The following CDADC1 variants were observed in gnomAD, a reference collection of about 807,000 sequenced individuals.
CDADC1 encodes the protein dCTP deaminase.
A neutral mutation model predicts 54.9 loss-of-function variants in CDADC1; 39 were observed. The ratio of observed to expected loss-of-function variants is 0.71; its 90% CI spans 0.55 to 0.93. The LOEUF is 0.93. Among genes scored for constraint, CDADC1 ranks in the 40% least tolerant of loss-of-function variants. The pLI is 0.00. For missense variants in CDADC1, 518 were observed against 618.8 expected (o/e 0.84, Z 1.73); for synonymous variants, 186 against 204.0 (o/e 0.91, Z 0.75).
At position 49,247,970 on chromosome 13, in the gene CDADC1, GGC is replaced by G; in HGVS notation, c.-65_-64del. The G allele has an allele frequency of 7.1e-7, 1 of 1,409,136 alleles. No individual in the cohort carries two copies. Among genetic ancestry groups the G allele is most frequent in the Non-Finnish European group, 9.8e-7 (1 of 1,018,888 alleles). The allele number at this position is 1,409,136 out of a possible 1,614,324, so 87.3% of individuals were successfully genotyped here. Reference sequence around the variant, plus strand: ...TTGCTGAGAGGAGGCGAGAGGCGGGGGCGCTAGGGCCGAGATCATGTCTGACT... The same window carrying G: ...TTGCTGAGAGGAGGCGAGAGGCGGGGGCTAGGGCCGAGATCATGTCTGACT... On this transcript the variant is annotated 5_prime_UTR_variant, in exon 1 of 10. Transcript: ENST00000251108.
At chr13:49,261,558 T>C (rs1298962482) in intron 4 of CDADC1, among the ~76,000 whole-genome samples, 2 of 152,210 alleles carry the variant, frequency 1.3e-5, no homozygotes, top group East Asian at 3.8e-4. Context: ...GTTATTGAAT[T>C]GGAGCAGGGA....
intron 2 of CDADC1, among the ~76,000 whole-genome samples, chr13:49,250,528 C>T (rs1952403363): frequency 6.6e-6 from 1 of 152,086 alleles, no homozygotes; most frequent in South Asian, 2.1e-4. Context: ...TGGACTTTTG[C>T]CCAAGCCAAG....
In CDADC1 at chr13:49,277,778, T is replaced by C. The variant is rs192519726; in HGVS notation, c.1051-572T>C. On this transcript the variant is annotated intron_variant, in intron 6 of 9. Transcript: ENST00000251108. ...AAGTTCTATAATAATATGCATATAA[T>C]AGAGGCTTAATAAATACTGAAGATG... Among the ~76,000 whole-genome samples, 343 of 152,288 alleles carry C rather than the reference T, an allele frequency of 2.3e-3. 7 individuals carry two copies. The highest frequency in any genetic ancestry group is 0.022 in the Admixed American group (340 of 15,284).
chr13:49,277,299 C>T (rs56373558), intron 6 of CDADC1, among the ~76,000 whole-genome samples: 1,888 of 151,818 alleles, frequency 0.012, 13 homozygotes, highest in Non-Finnish European at 0.02. Context: ...GGTGAGACCC[C>T]GTTGCTACAA....
intron 4 of CDADC1, among the ~76,000 whole-genome samples, chr13:49,262,256 A>C (rs1952703451): frequency 6.6e-6 from 1 of 152,134 alleles, no homozygotes. Flanking sequence ...CAGTCAGGGC[A>C]ATATGGAGAA....
At chr13:49,273,193 A>C (rs1339561544) in intron 5 of CDADC1, among the ~76,000 whole-genome samples, 1 of 152,112 alleles carries the variant, frequency 6.6e-6, no homozygotes, top group African/African-American at 2.4e-5. Flanking sequence ...TGTGGCACAA[A>C]TTTTCTTTGT....
chr13:49,261,079 G>A (rs900525331), intron 4 of CDADC1, among the ~76,000 whole-genome samples: 1 of 152,218 alleles, frequency 6.6e-6, no homozygotes, highest in African/African-American at 2.4e-5. Flanking sequence ...GAATTATAGT[G>A]ATAGTGGAGA....
At chr13:49,284,430 C>A (rs1424063695) in intron 8 of CDADC1, among the ~76,000 whole-genome samples, 1 of 152,110 alleles carries the variant, frequency 6.6e-6, no homozygotes, top group Non-Finnish European at 1.5e-5. Context: ...TTTAACCATT[C>A]CCATGTTGTT....
At chr13:49,286,716 T>C (rs1439676455) in intron 9 of CDADC1, among the ~76,000 whole-genome samples, 1 of 152,216 alleles carries the variant, frequency 6.6e-6, no homozygotes, top group Non-Finnish European at 1.5e-5. Context: ...AATGTTCTGG[T>C]AACTTGAATA....
intron 8 of CDADC1, among the ~76,000 whole-genome samples, chr13:49,283,151 G>A (rs1369398147): frequency 6.7e-6 from 1 of 150,122 alleles, no homozygotes; most frequent in African/African-American, 2.4e-5. Context: ...AGGATACCTG[G>A]AACATACATA....
chr13:49,255,272 C>T (rs549888824), intron 2 of CDADC1, among the ~76,000 whole-genome samples: 81 of 152,274 alleles, frequency 5.3e-4, no homozygotes, highest in African/African-American at 1.9e-3. Context: ...GTGATAACAT[C>T]GGGCCAATCA....
chr13:49,290,336 G>A (rs1388792044), intron 9 of CDADC1, among the ~76,000 whole-genome samples: 2 of 151,804 alleles, frequency 1.3e-5, no homozygotes, highest in Non-Finnish European at 2.9e-5. Context: ...GTAAGTTCAT[G>A]AGTGTTCATT....
At chr13:49,272,315 G>A (rs1242439124) in intron 5 of CDADC1, among the ~76,000 whole-genome samples, 1 of 152,024 alleles carries the variant, frequency 6.6e-6, no homozygotes, top group East Asian at 1.9e-4. Flanking sequence ...ACTTACCTTA[G>A]AAATGAGCAT....
chr13:49,285,601 A>G (rs896239123), intron 8 of CDADC1, among the ~76,000 whole-genome samples: 3 of 152,004 alleles, frequency 2.0e-5, no homozygotes, highest in Non-Finnish European at 4.4e-5. Flanking sequence ...TTCTAATTCT[A>G]TTGCCTCCTG....
intron 2 of CDADC1, among the ~76,000 whole-genome samples, chr13:49,250,414 T>C (rs751783896): frequency 6.6e-6 from 1 of 152,194 alleles, no homozygotes; most frequent in Admixed American, 6.5e-5. Context: ...GAGTACATAG[T>C]ATAAGCAGAG....
At chr13:49,265,829 A>G in intron 4 of CDADC1, 2 of 1,282,886 alleles carry the variant, frequency 1.6e-6, no homozygotes, top group Non-Finnish European at 1.0e-6. Flanking sequence ...AGCATTTGCC[A>G]CTAATACACA....
intron 5 of CDADC1, among the ~76,000 whole-genome samples, chr13:49,273,141 T>G (rs1388744115): frequency 2.6e-5 from 4 of 152,362 alleles, no homozygotes; most frequent in African/African-American, 9.6e-5. Context: ...TGTTTTAAAG[T>G]TAACCTCTTA....
intron 2 of CDADC1, among the ~76,000 whole-genome samples, chr13:49,252,871 A>G (rs1244992763): frequency 3.9e-5 from 6 of 152,342 alleles, no homozygotes; most frequent in Non-Finnish European, 5.9e-5. Context: ...ATATGCATGT[A>G]GTATATGCTG....
At chr13:49,279,492 T>C (rs1953252442) in intron 7 of CDADC1, among the ~76,000 whole-genome samples, 1 of 152,076 alleles carries the variant, frequency 6.6e-6, no homozygotes, top group African/African-American at 2.4e-5. Context: ...ATATTCCAGT[T>C]AGGTTGGAAT....
Sources: gnomAD v4.1 joint callset for allele counts (sites outside exome capture counted in the v4.1 genomes callset) on GRCh38, gnomAD v4.1.1 for gene constraint, MANE v1.5 for transcripts, NCBI Gene and HGNC (gene_info 2026-07-23, HGNC 2026-07-21) for gene names.